ATXN1: variants seen among roughly 807,000 people sequenced by gnomAD.
The protein encoded by ATXN1 is ataxin-1.
ATXN1 carries 8 observed loss-of-function variants against 56.4 expected under a neutral mutation model. The observed-to-expected ratio is 0.14, with a 90% CI of 0.08 to 0.26. The LOEUF (loss-of-function observed/expected upper bound fraction) is 0.26, where lower values mean the gene tolerates loss of function less well. ATXN1 is among the 10% of genes least tolerant of loss of function. The probability of loss-of-function intolerance (pLI) is 1.00; values close to 1 mark genes in which losing one functional copy is unlikely to be tolerated. For missense variants in ATXN1, 987 were observed against 1,106.5 expected (o/e 0.89, Z 1.53); for synonymous variants, 514 against 494.6 (o/e 1.04, Z -0.52).
intron 3 of ATXN1, among the ~76,000 whole-genome samples, chr6:16,617,054 G>T (rs1363101880): frequency 4.6e-5 from 7 of 152,034 alleles, no homozygotes; most frequent in Non-Finnish European, 1.0e-4. Context: ...TCTATATAGG[G>T]TTTGGTACTA....
chr6:16,692,946 A>C (rs1759080700), intron 2 of ATXN1, among the ~76,000 whole-genome samples: 1 of 152,284 alleles, frequency 6.6e-6, no homozygotes, highest in East Asian at 1.9e-4. Flanking sequence ...ACTTAAGCTC[A>C]GTGTATCTGT....
chr6:16,601,029 ATAACAATTAGGCTT>A (rs1423148759), intron 3 of ATXN1, among the ~76,000 whole-genome samples: 2 of 152,252 alleles, frequency 1.3e-5, no homozygotes, highest in Non-Finnish European at 2.9e-5. Context: ...CAAAGGAGGC[ATAACAATTAGGCTT>A]GCTCCTGAAA....
intron 3 of ATXN1, among the ~76,000 whole-genome samples, chr6:16,633,730 C>A (rs1317528105): frequency 6.6e-6 from 1 of 152,176 alleles, no homozygotes; most frequent in Non-Finnish European, 1.5e-5. Context: ...TTCAAGTTGA[C>A]TATAGAACCA....
At chr6:16,374,004 T>A (rs1057512358) in intron 6 of ATXN1, among the ~76,000 whole-genome samples, 1 of 152,122 alleles carries the variant, frequency 6.6e-6, no homozygotes, top group Non-Finnish European at 1.5e-5. Context: ...TAGGCACATG[T>A]TACATAAAGC....
chr6:16,726,380 CA>C (rs10716233), intron 2 of ATXN1, among the ~76,000 whole-genome samples: 67,780 of 123,838 alleles, frequency 0.55, 16,792 homozygotes, highest in Middle Eastern at 0.62. Flanking sequence ...GACTCTGTCT[CA>C]AAAAAAAAAA....
At chr6:16,620,318 A>G (rs1444386366) in intron 3 of ATXN1, among the ~76,000 whole-genome samples, 2 of 151,344 alleles carry the variant, frequency 1.3e-5, no homozygotes, top group Admixed American at 1.3e-4. Flanking sequence ...GTGAATATTT[A>G]ACATAACTAT....
intron 4 of ATXN1, among the ~76,000 whole-genome samples, chr6:16,572,132 A>G (rs936719438): frequency 1.3e-5 from 2 of 152,208 alleles, no homozygotes; most frequent in Admixed American, 6.5e-5. Context: ...TCAATGCTCA[A>G]TTCTCAGACT....
intron 3 of ATXN1, among the ~76,000 whole-genome samples, chr6:16,649,255 A>G (rs1281621244): frequency 6.6e-6 from 1 of 151,934 alleles, no homozygotes; most frequent in East Asian, 1.9e-4. Flanking sequence ...CTCTTTTGGT[A>G]TTTTAGCCAA....
intron 3 of ATXN1, among the ~76,000 whole-genome samples, chr6:16,624,746 CACA>C (rs1763379267): frequency 6.6e-6 from 1 of 152,140 alleles, no homozygotes; most frequent in Non-Finnish European, 1.5e-5. Flanking sequence ...GCAACCTTGA[CACA>C]ACGACTCTGC....
At chr6:16,335,099 C>G (rs923453550) in intron 6 of ATXN1, among the ~76,000 whole-genome samples, 1 of 152,114 alleles carries the variant, frequency 6.6e-6, no homozygotes, top group Admixed American at 6.5e-5. Flanking sequence ...CATTTTTTTG[C>G]CATTAGGAAC....
chr6:16,737,409 A>AAGCTGTAGG (rs1369271749), intron 2 of ATXN1: 1 of 152,228 alleles, frequency 6.6e-6, no homozygotes, highest in African/African-American at 2.4e-5. Flanking sequence ...TTGCAGTTTG[A>AAGCTGTAGG]AGCTGTAGGG....
At chr6:16,468,738 T>C (rs977752767) in intron 6 of ATXN1, among the ~76,000 whole-genome samples, 3 of 152,198 alleles carry the variant, frequency 2.0e-5, no homozygotes, top group African/African-American at 7.2e-5. Flanking sequence ...CCTAAGAGAA[T>C]GCAAGCATTT....
chr6:16,442,394 G>T (rs888645169), intron 6 of ATXN1, among the ~76,000 whole-genome samples: 10 of 152,058 alleles, frequency 6.6e-5, no homozygotes, highest in African/African-American at 1.9e-4. Context: ...CTGTAGGTCT[G>T]TTACTGAAAG....
At chr6:16,443,802 T>C (rs1009272210) in intron 6 of ATXN1, among the ~76,000 whole-genome samples, 1 of 152,126 alleles carries the variant, frequency 6.6e-6, no homozygotes, top group African/African-American at 2.4e-5. Context: ...TATAAACTCA[T>C]GAGGTATTTT....
At chr6:16,586,363 G>A (rs1236442253) in intron 3 of ATXN1, among the ~76,000 whole-genome samples, 1 of 152,208 alleles carries the variant, frequency 6.6e-6, no homozygotes, top group East Asian at 1.9e-4. Flanking sequence ...TTCAGTGCAT[G>A]TATTTACCAT....
chr6:16,300,941 G>GT lies in ATXN1; in HGVS notation c.*5387dup, dbSNP rs1760072709. On this transcript the variant is annotated 3_prime_UTR_variant, in exon 8 of 8. Coordinates refer to ENST00000436367, the MANE Select transcript of ATXN1 (RefSeq NM_001128164.2). ...CCCCTCCCTCAGACGAGGGCTATAT[G>GT]TAACAAAAATAACAATAAGCATAGG... The GT allele has an allele frequency of 6.6e-6, 1 of 152,548 alleles. No individual in the cohort carries two copies. The highest frequency in any genetic ancestry group is 2.1e-4 in the South Asian group (1 of 4,830). The allele number at this position is 152,548 out of a possible 1,614,324, so 9.4% of individuals were successfully genotyped here.
At chr6:16,631,714 C>G (rs1042614856) in intron 3 of ATXN1, among the ~76,000 whole-genome samples, 1 of 152,214 alleles carries the variant, frequency 6.6e-6, no homozygotes, top group Non-Finnish European at 1.5e-5. Flanking sequence ...AAGGTGATTG[C>G]AAAACTCCCA....
At position 16,328,398 on chromosome 6, in the gene ATXN1, C is replaced by G. The variant is rs948861469; in HGVS notation, c.-88G>C. On this transcript the variant is annotated 5_prime_UTR_variant, in exon 7 of 8. Transcript: ENST00000436367. The surrounding 1 kb of genome is among the most constrained non-coding windows in gnomAD (Gnocchi z 6.2). ...ATAAACGGAAAGTCACATTTGATTT[C>G]TGTAGGGGATCCAGGCTCTTCATGA... The G allele has an allele frequency of 1.4e-6, 2 of 1,403,042 alleles. No homozygotes were observed. The highest frequency in any genetic ancestry group is 1.4e-5 in the African/African-American group (1 of 70,054). The allele number at this position is 1,403,042 out of a possible 1,614,324, so 86.9% of individuals were successfully genotyped here. A position where few individuals can be genotyped will look rare whatever the true frequency, so the allele number is the denominator to read the frequency against.
At chr6:16,318,088 T>C (rs1293895904) in intron 7 of ATXN1, among the ~76,000 whole-genome samples, 4 of 152,248 alleles carry the variant, frequency 2.6e-5, no homozygotes, top group South Asian at 4.1e-4. Flanking sequence ...TGTTTGATTG[T>C]ATATTTCAAT....
Sources: gnomAD v4.1 joint callset for allele counts (sites outside exome capture counted in the v4.1 genomes callset) on GRCh38, gnomAD v4.1.1 for gene constraint, Gnocchi (gnomAD v3.1) non-coding constraint, MANE v1.5 for transcripts, NCBI Gene and HGNC (gene_info 2026-07-23, HGNC 2026-07-21) for gene names.